RGS3: variants seen among roughly 807,000 people sequenced by gnomAD.
RGS3 encodes regulator of G-protein signalling 3.
Under a neutral mutation model 132.6 loss-of-function variants are expected in RGS3, and 80 were observed. That is an observed-to-expected ratio of 0.60 (90% CI 0.50 to 0.73). The LOEUF (loss-of-function observed/expected upper bound fraction) is 0.73. Ranked by LOEUF, RGS3 falls within the 30% of genes least tolerant of loss-of-function variation. The pLI is 0.00. For missense variants in RGS3, 1,382 were observed against 1,530.8 expected, an observed-to-expected ratio of 0.90 and a Z score of 1.62; for synonymous variants, 598 against 620.6, an observed-to-expected ratio of 0.96 and a Z score of 0.54.
At position 113,505,266 on chromosome 9, in the gene RGS3, C is replaced by T. The variant is rs1831076912; in HGVS notation, c.898-176C>T. 15 of 609,106 alleles carry T rather than the reference C, an allele frequency of 2.5e-5. No individual in the cohort carries two copies. The South Asian group carries it at 2.7e-4, about 11-fold the overall frequency. 37.7% of individuals were successfully genotyped at this position (609,106 alleles called of 1,614,324 possible). ...TTCCTGCTTGGCCCACAACCCAGTG[C>T]TCAAGTTGTCTGGGCTGAGATAGGG... On this transcript the variant is annotated intron_variant, in intron 10 of 24. Coordinates refer to ENST00000350696, the Ensembl canonical transcript of RGS3.
At chr9:113,485,543 G>A (rs1830304493) in intron 6 of RGS3, 82 bp from the exon 5 acceptor site, 1 of 1,065,134 alleles carries the variant, frequency 9.4e-7, no homozygotes, top group Non-Finnish European at 1.4e-6. Flanking sequence ...CACATTTTTG[G>A]AATTATGACT....
chr9:113,575,753 C>T (rs191091172), intron 19 of RGS3, among the ~76,000 whole-genome samples: 1 of 152,178 alleles, frequency 6.6e-6, no homozygotes, highest in Non-Finnish European at 1.5e-5. Context: ...AGTAAAAAGG[C>T]CTGGGCCTTA....
intron 17 of RGS3, among the ~76,000 whole-genome samples, chr9:113,526,058 T>C (rs572899405): frequency 3.9e-5 from 6 of 152,326 alleles, no homozygotes; most frequent in Non-Finnish European, 7.4e-5. Flanking sequence ...CCGGGGCCCA[T>C]TGTGGTCTCT....
intron 8 of RGS3, among the ~76,000 whole-genome samples, chr9:113,496,926 A>G (rs922389271): frequency 6.6e-6 from 1 of 152,136 alleles, no homozygotes; most frequent in Non-Finnish European, 1.5e-5. Context: ...CTCAGGAGCC[A>G]CAGGATGCCT....
chr9:113,446,219 C>T (rs1829097009), intron 1 of RGS3, among the ~76,000 whole-genome samples: 1 of 152,160 alleles, frequency 6.6e-6, no homozygotes, highest in Admixed American at 6.5e-5. Context: ...TTTCCATTGA[C>T]ATAAGGTACC....
intron 5 of RGS3, 125 bp downstream of exon 3, chr9:113,483,242 T>C: frequency 1.4e-6 from 1 of 695,868 alleles, no homozygotes. Flanking sequence ...ATCTCACTCA[T>C]CTTCTCAATA....
At chr9:113,576,179 G>A (rs892919424) in intron 19 of RGS3, among the ~76,000 whole-genome samples, 1 of 151,662 alleles carries the variant, frequency 6.6e-6, no homozygotes, top group African/African-American at 2.4e-5. Context: ...CAGCCTGGGC[G>A]ACAGAGCGAG....
At chr9:113,580,654 G>A (rs2118954871) in intron 19 of RGS3, 1 of 278,766 alleles carries the variant, frequency 3.6e-6, no homozygotes, top group East Asian at 1.8e-4. Flanking sequence ...TTCCATCTTG[G>A]TTAGTTTCTC....
At chr9:113,459,142 TTTTGTC>T (rs1286000346), upstream of RGS3, among the ~76,000 whole-genome samples, 1 of 152,204 alleles carries the variant, frequency 6.6e-6, no homozygotes, top group Admixed American at 6.5e-5. Flanking sequence ...CTTACTTGGT[TTTTGTC>T]TTTGTCTAGC....
intron 15 of RGS3, among the ~76,000 whole-genome samples, chr9:113,515,713 C>G (rs1441284820): frequency 6.6e-6 from 1 of 152,206 alleles, no homozygotes; most frequent in Non-Finnish European, 1.5e-5. Context: ...ATTTCAGCAT[C>G]TTTTCTGTGT....
chr9:113,579,594 C>T lies in RGS3; in HGVS notation c.2038-3856C>T, dbSNP rs576484636. Among the ~76,000 whole-genome samples the T allele has an allele frequency of 5.9e-5, 9 of 152,286 alleles. No homozygotes were observed. Among genetic ancestry groups the T allele is most frequent in the Middle Eastern group, 6.8e-3 (2 of 294 alleles). On this transcript the variant is annotated intron_variant, in intron 19 of 24. Transcript: ENST00000350696. The surrounding 1 kb of genome is among the most constrained non-coding windows in gnomAD (Gnocchi z 4.3). ...GGTGAGCAAGCTGGTCTTCCTGGGG[C>T]GCCCTGGCTGGATTCTTGTTACTTC...
chr9:113,575,940 G>T (rs59789787), intron 19 of RGS3, among the ~76,000 whole-genome samples: 1 of 152,158 alleles, frequency 6.6e-6, no homozygotes, highest in South Asian at 2.1e-4. Context: ...TGCAGGTTCC[G>T]ATCCAGTGGG....
chr9:113,532,393 C>A (rs1050388671), intron 18 of RGS3, among the ~76,000 whole-genome samples: 3 of 151,286 alleles, frequency 2.0e-5, no homozygotes, highest in Admixed American at 6.6e-5. Context: ...AGAGAGAGAC[C>A]AAAGCTTAGG....
At chr9:113,509,546 C>T (rs1225271416) in intron 14 of RGS3, among the ~76,000 whole-genome samples, 1 of 152,184 alleles carries the variant, frequency 6.6e-6, no homozygotes, top group Non-Finnish European at 1.5e-5. Context: ...CCACTTTCTT[C>T]TCCCAGGAAG....
chr9:113,512,745 G>T (rs1588181415), intron 14 of RGS3, among the ~76,000 whole-genome samples: 1 of 152,314 alleles, frequency 6.6e-6, no homozygotes, highest in East Asian at 1.9e-4. Context: ...GGACCTGGTA[G>T]TTGCCCATAC....
At chr9:113,569,951 G>T (rs1370604555) in intron 19 of RGS3, among the ~76,000 whole-genome samples, 5 of 152,106 alleles carry the variant, frequency 3.3e-5, no homozygotes, top group African/African-American at 1.2e-4. Flanking sequence ...CCCCTCAGAG[G>T]TGTAGACATG....
chr9:113,483,092 C>G (rs1165303733), exon 5 of RGS3: 2 of 1,613,404 alleles, frequency 1.2e-6, no homozygotes, highest in East Asian at 2.2e-5. Flanking sequence ...AGCAAACAGC[C>G]TGGCACCTGT....
chr9:113,587,286 T>C (rs565851112), intron 20 of RGS3, among the ~76,000 whole-genome samples: 10 of 152,184 alleles, frequency 6.6e-5, no homozygotes, highest in Admixed American at 1.3e-4. Context: ...ACTTCTATCT[T>C]CCTGGCTTTG....
chr9:113,506,485 C>T lies in RGS3; in HGVS notation c.1077C>T (p.His359=), dbSNP rs542428449. 1.2e-5 allele frequency: 19 copies of T among 1,587,780 alleles called. No individual in the cohort carries two copies. The South Asian group carries it at 1.3e-4, about 11-fold the overall frequency. ...ACTGGAAATGTGTGGAGCTGGCCCA[C>T]GAGATCCGGTGACAGGGGACAGCGG... is the stretch of plus-strand genomic sequence containing the variant. Residue 359 remains histidine (H), a synonymous_variant, in exon 12 of 25, where the codon CAC becomes CAT. Coordinates refer to ENST00000350696, the Ensembl canonical transcript of RGS3. The surrounding 1 kb of genome is among the most constrained non-coding windows in gnomAD (Gnocchi z 4.7).
Sources: allele counts gnomAD v4.1 joint callset (sites outside exome capture counted in the v4.1 genomes callset), GRCh38; gene constraint gnomAD v4.1.1; non-coding constraint Gnocchi (gnomAD v3.1); transcripts MANE v1.5; gene names NCBI Gene and HGNC (gene_info 2026-07-23, HGNC 2026-07-21).